RPS6KC1: variants seen among roughly 807,000 people sequenced by gnomAD.
RPS6KC1 encodes inactive ribosomal protein S6 kinase delta-1.
RPS6KC1 carries 54 observed loss-of-function variants against 103.8 expected under a neutral mutation model. That is an observed-to-expected ratio of 0.52 (90% CI 0.42 to 0.65). The LOEUF is 0.65. Among genes scored for constraint, RPS6KC1 ranks in the 30% least tolerant of loss-of-function variants. The probability of loss-of-function intolerance (pLI) is 0.00; values close to 1 mark genes in which losing one functional copy is unlikely to be tolerated. For missense variants in RPS6KC1, 1,151 were observed against 1,253.8 expected (o/e 0.92, Z 1.24); for synonymous variants, 439 against 438.7 (o/e 1.00, Z -0.01).
At chr1:213,702,335 A>G in the RPS6KC1 span, among the ~76,000 whole-genome samples, 4 of 152,038 alleles carry the variant, frequency 2.6e-5, no homozygotes, top group African/African-American at 7.2e-5. Flanking sequence ...GTGAACTAAC[A>G]TATGGTCTAT....
At chr1:213,433,414 T>C in the RPS6KC1 span, among the ~76,000 whole-genome samples, 1 of 152,210 alleles carries the variant, frequency 6.6e-6, no homozygotes, top group Non-Finnish European at 1.5e-5. Flanking sequence ...CTTCCAGGGA[T>C]TAGAGTGTGG....
At chr1:213,762,543 T>C in the RPS6KC1 span, among the ~76,000 whole-genome samples, 1 of 152,186 alleles carries the variant, frequency 6.6e-6, no homozygotes, top group African/African-American at 2.4e-5. Flanking sequence ...TTAGATGCAT[T>C]TGTGATCATT....
intron 8 of RPS6KC1, among the ~76,000 whole-genome samples, chr1:213,221,632 C>A (rs895414992): frequency 6.6e-6 from 1 of 152,134 alleles, no homozygotes; most frequent in Non-Finnish European, 1.5e-5. Flanking sequence ...TTGTGAATGT[C>A]TGGGCATTTA....
intron 6 of RPS6KC1, among the ~76,000 whole-genome samples, chr1:213,144,695 C>G (rs2087513209): frequency 6.6e-6 from 1 of 152,010 alleles, no homozygotes; most frequent in Admixed American, 6.6e-5. Context: ...GGATTACATA[C>G]TTTAATAACT....
At chr1:213,181,636 AG>A (rs981909911) in intron 8 of RPS6KC1, among the ~76,000 whole-genome samples, 1 of 152,214 alleles carries the variant, frequency 6.6e-6, no homozygotes, top group African/African-American at 2.4e-5. Flanking sequence ...TTGCTCATTA[AG>A]GGAACACTGG....
At chr1:213,269,483 A>G (rs774771815) in intron 14 of RPS6KC1, among the ~76,000 whole-genome samples, 22 of 152,210 alleles carry the variant, frequency 1.4e-4, no homozygotes, top group Admixed American at 2.0e-4. Flanking sequence ...ATTCTTATCA[A>G]GTACACACAA....
At chr1:213,472,609 ACT>A in the RPS6KC1 span, among the ~76,000 whole-genome samples, 5 of 152,172 alleles carry the variant, frequency 3.3e-5, no homozygotes, top group Admixed American at 2.0e-4. Context: ...TGAAATGGAA[ACT>A]CTACTATGCT....
At chr1:213,141,343 T>C (rs2149089662) in intron 6 of RPS6KC1, among the ~76,000 whole-genome samples, 1 of 152,244 alleles carries the variant, frequency 6.6e-6, no homozygotes, top group Non-Finnish European at 1.5e-5. Flanking sequence ...TGGTTCAGTC[T>C]TGGGAGGTGG....
chr1:213,423,759 G>T, the RPS6KC1 span, among the ~76,000 whole-genome samples: 1 of 152,054 alleles, frequency 6.6e-6, no homozygotes, highest in East Asian at 1.9e-4. Context: ...CCTTGGAGGG[G>T]GAGCGGCAGG....
the RPS6KC1 span, among the ~76,000 whole-genome samples, chr1:213,457,135 A>G: frequency 6.6e-6 from 1 of 152,138 alleles, no homozygotes; most frequent in African/African-American, 2.4e-5. Context: ...GGCTGGAGGG[A>G]AGAGTTAAAT....
At chr1:213,347,195 T>C in the RPS6KC1 span, among the ~76,000 whole-genome samples, 1 of 152,166 alleles carries the variant, frequency 6.6e-6, no homozygotes, top group Non-Finnish European at 1.5e-5. Context: ...AGCAAGGAGT[T>C]GGATGCAAAA....
At chr1:213,479,822 G>A in the RPS6KC1 span, among the ~76,000 whole-genome samples, 1 of 128,684 alleles carries the variant, frequency 7.8e-6, no homozygotes, top group Non-Finnish European at 1.7e-5. Flanking sequence ...GGGAGAAATA[G>A]GATCTTTAAA....
At chr1:213,430,913 A>G in the RPS6KC1 span, among the ~76,000 whole-genome samples, 1 of 152,214 alleles carries the variant, frequency 6.6e-6, no homozygotes, top group Non-Finnish European at 1.5e-5. Flanking sequence ...AATGGCAGCA[A>G]TGCCTTTACA....
the RPS6KC1 span, among the ~76,000 whole-genome samples, chr1:213,733,002 T>C: frequency 4.1e-4 from 62 of 152,320 alleles, no homozygotes; most frequent in South Asian, 7.7e-3. Flanking sequence ...TAAATAGTAT[T>C]CTATTGTGTG....
intron 8 of RPS6KC1, among the ~76,000 whole-genome samples, chr1:213,220,534 C>T (rs920604253): frequency 2.0e-5 from 3 of 152,154 alleles, no homozygotes; most frequent in African/African-American, 7.2e-5. Flanking sequence ...CCATGTTGGT[C>T]AGGCTGGTCT....
At chr1:213,064,652 G>A (rs937417023) in intron 1 of RPS6KC1, among the ~76,000 whole-genome samples, 1 of 148,950 alleles carries the variant, frequency 6.7e-6, no homozygotes, top group East Asian at 2.0e-4. Flanking sequence ...ACAGGTGTGA[G>A]CCACTGCGCC....
chr1:213,390,967 C>CT, the RPS6KC1 span, among the ~76,000 whole-genome samples: 14 of 152,020 alleles, frequency 9.2e-5, no homozygotes, highest in Admixed American at 9.2e-4. Context: ...TCCAAGTGCA[C>CT]TTTTTTGGGT....
At chr1:213,549,702 T>G in the RPS6KC1 span, among the ~76,000 whole-genome samples, 1 of 149,850 alleles carries the variant, frequency 6.7e-6, no homozygotes, top group Non-Finnish European at 1.5e-5. Flanking sequence ...ATCTTCTTTG[T>G]TGGTTTCAGC....
In RPS6KC1 at chr1:213,232,175, G is replaced by A. The variant is rs770341753; in HGVS notation, c.1145G>A (p.Arg382His). The change falls in exon 10 of 15, where the codon CGC becomes CAC. Residue 382 changes from arginine (R) to histidine (H), a missense_variant. Physicochemically the swap from Arg to His is conservative, Grantham distance 29. Transcript: ENST00000366960. ...AGGAACAGAAAGACCATCATCCCCC[G>A]CTGTGTGCCCAACATGGTGTGTCTG... The part of the protein sequence containing the change: ...YSRNRKTIIP[R>H]CVPNMVCLHK... 1.8e-5 allele frequency: 29 copies of A among 1,613,884 alleles called. No individual in the cohort carries two copies. Among genetic ancestry groups the A allele is most frequent in the African/African-American group, 4.0e-5 (3 of 74,914 alleles).
Sources: gnomAD v4.1 joint callset for allele counts (sites outside exome capture counted in the v4.1 genomes callset) on GRCh38, gnomAD v4.1.1 for gene constraint, MANE v1.5 for transcripts, NCBI Gene and HGNC (gene_info 2026-07-23, HGNC 2026-07-21) for gene names.